WASHC2C: variants seen among roughly 807,000 people sequenced by gnomAD.
WASHC2C encodes the protein Vaccinia Penetration Factor.
WASHC2C carries 73 observed loss-of-function variants against 142.2 expected under a neutral mutation model. That is an observed-to-expected ratio of 0.51 (90% CI 0.43 to 0.62). The LOEUF (loss-of-function observed/expected upper bound fraction) is 0.62, where lower values mean the gene tolerates loss of function less well. Among genes scored for constraint, WASHC2C ranks in the 20% least tolerant of loss-of-function variants. The pLI, the probability that WASHC2C is intolerant of heterozygous loss-of-function variation, is 0.00. For missense variants in WASHC2C, 969 were observed against 1,531.7 expected, an observed-to-expected ratio of 0.63 and a Z score of 6.13; for synonymous variants, 337 against 565.5, an observed-to-expected ratio of 0.60 and a Z score of 5.73.
Position 45,759,768 on chromosome 10 carries a change from G to A in WASHC2C, c.1635+367G>A, listed in dbSNP as rs868972907. ...CGGGAGGCAGAAGTTGCAATGAACC[G>A]AGATCACACCATTGCACTCCAGTCT... On this transcript the variant is annotated intron_variant, in intron 17 of 30. Coordinates refer to ENST00000623400, the MANE Select transcript of WASHC2C (RefSeq NM_001330074.2). Among the ~76,000 whole-genome samples, 8 of 151,976 alleles carry A rather than the reference G, an allele frequency of 5.3e-5. No homozygotes were observed. In the Middle Eastern group the frequency reaches 0.01, roughly 194 times the overall value.
intron 19 of WASHC2C, among the ~76,000 whole-genome samples, chr10:45,768,309 A>T (rs545574827): frequency 8.4e-4 from 127 of 151,650 alleles, no homozygotes; most frequent in South Asian, 1.7e-3. Context: ...AGAGATTCTG[A>T]ATTAATCTGG....
chr10:45,746,581 C>A lies in WASHC2C; in HGVS notation c.685-19C>A, dbSNP rs1433575395. The A allele has an allele frequency of 6.2e-7, 1 of 1,613,042 alleles. No homozygotes were observed. The highest frequency in any genetic ancestry group is 8.5e-7 in the Non-Finnish European group (1 of 1,179,310). On this transcript the variant is annotated intron_variant, in intron 7 of 30. Coordinates refer to ENST00000623400, the MANE Select transcript of WASHC2C (RefSeq NM_001330074.2). ...AAGTAAAGCCCATTTAACAACAAAGCCTTTTCTTACCCATAAAGGAGTCAG... is the reference window on the plus strand; with the variant it reads ...AAGTAAAGCCCATTTAACAACAAAGACTTTTCTTACCCATAAAGGAGTCAG...
chr10:45,790,271 G>A, intron 29 of WASHC2C, 85 bp from the exon 30 acceptor site: 4 of 1,601,308 alleles, frequency 2.5e-6, no homozygotes, highest in Non-Finnish European at 3.4e-6. Flanking sequence ...CTGGCCAATT[G>A]CATTTCCATA....
At position 45,784,589 on chromosome 10, in the gene WASHC2C, A is replaced by G; in HGVS notation, c.2503A>G (p.Lys835Glu). Residue 835 changes from lysine to glutamate, a missense_variant, in exon 24 of 31, where the codon AAG (lysine) becomes GAG (glutamate). Lys to Glu is a moderately conservative substitution (Grantham distance 56). Coordinates refer to ENST00000623400, the MANE Select transcript of WASHC2C (RefSeq NM_001330074.2). ...GKGCDPDAHP[K>E]STGVFQDEEL... ...GGGCTGCGATCCTGATGCCCACCCC[A>G]AGAGCACAGGTGTCTTCCAGGATGA... 6.2e-7 allele frequency: 1 copy of G among 1,611,134 alleles called. No homozygotes were observed. Among genetic ancestry groups the G allele is most frequent in the South Asian group, 1.1e-5 (1 of 90,930 alleles).
intron 3 of WASHC2C, among the ~76,000 whole-genome samples, chr10:45,735,203 G>A (rs1390736113): frequency 2.6e-5 from 4 of 151,476 alleles, no homozygotes; most frequent in Non-Finnish European, 4.4e-5. Flanking sequence ...TTACTTTTCT[G>A]TGTGAATTTG....
At chr10:45,770,141 T>C (rs1309377864) in intron 20 of WASHC2C, among the ~76,000 whole-genome samples, 1 of 150,120 alleles carries the variant, frequency 6.7e-6, no homozygotes, top group Non-Finnish European at 1.5e-5. Context: ...CTTGGGAGGC[T>C]GAGGCAGAAG....
At position 45,768,712 on chromosome 10, in the gene WASHC2C, G is replaced by C. The variant is rs2610507; in HGVS notation, c.1870-737G>C. On this transcript the variant is annotated intron_variant, in intron 19 of 30. Transcript: ENST00000623400. ...TGTGTCTTGTTCACATGTGTGTTGC[G>C]TGAGTTTTTACACTTTTTTTTTCAA... 3.1e-3 allele frequency among the ~76,000 whole-genome samples: 477 copies of C among 151,986 alleles called. 5 individuals are homozygous for C. Among genetic ancestry groups the C allele is most frequent in the African/African-American group, 0.011 (455 of 41,390 alleles).
At chr10:45,735,239 A>C (rs1366003154) in intron 3 of WASHC2C, among the ~76,000 whole-genome samples, 1 of 151,046 alleles carries the variant, frequency 6.6e-6, no homozygotes, top group African/African-American at 2.4e-5. Context: ...TTATTTATTT[A>C]TTTTTTTGAA....
At chr10:45,775,743 C>T (rs868958107) in intron 21 of WASHC2C, among the ~76,000 whole-genome samples, 56 of 137,486 alleles carry the variant, frequency 4.1e-4, no homozygotes, top group Admixed American at 1.8e-3. Flanking sequence ...AGTGCAGTGG[C>T]GCATCTCGGC....
chr10:45,749,329 G>T (rs1162649513), intron 8 of WASHC2C, among the ~76,000 whole-genome samples: 4 of 151,318 alleles, frequency 2.6e-5, no homozygotes, highest in Admixed American at 6.6e-5. Flanking sequence ...TAGCTACTCA[G>T]AGGGCTGAGG....
Position 45,752,609 on chromosome 10 carries a change from C to T in WASHC2C, c.1025C>T (p.Ala342Val). The change falls in exon 12 of 31, where the codon GCA becomes GTA. Residue 342 changes from alanine (A) to valine (V), a missense_variant. Ala to Val is a moderately conservative substitution (Grantham distance 64). Coordinates refer to ENST00000623400, the MANE Select transcript of WASHC2C (RefSeq NM_001330074.2). ...PSDDEEDNLF[A>V]PPKLTDEDFS... ...CTAGATGAAGAGGATAACTTATTCGCACCCCCCAAGCTGACCGACGAGGAC... is the reference window on the plus strand; with the variant it reads ...CTAGATGAAGAGGATAACTTATTCGTACCCCCCAAGCTGACCGACGAGGAC... 3 of 1,609,788 alleles carry T rather than the reference C, an allele frequency of 1.9e-6. No homozygotes were observed. In the South Asian group the frequency reaches 3.3e-5, roughly 18 times the overall value.
intron 17 of WASHC2C, among the ~76,000 whole-genome samples, chr10:45,761,802 T>C (rs2055129941): frequency 6.6e-6 from 1 of 152,216 alleles, no homozygotes; most frequent in East Asian, 1.9e-4. Context: ...TTTACTTTCA[T>C]TTTCTTAGAA....
chr10:45,772,493 A>C (rs1436789375), intron 20 of WASHC2C, among the ~76,000 whole-genome samples: 5 of 151,990 alleles, frequency 3.3e-5, no homozygotes, highest in Non-Finnish European at 7.4e-5. Context: ...AAGTGGAAGG[A>C]TCTCTTGAGG....
At chr10:45,727,837 G>A (rs1265566486) in intron 2 of WASHC2C, among the ~76,000 whole-genome samples, 1 of 152,136 alleles carries the variant, frequency 6.6e-6, no homozygotes, top group Admixed American at 6.5e-5. Context: ...CACTAGGGAG[G>A]CGATTCCTGT....
chr10:45,729,293 C>G (rs1229034237), intron 3 of WASHC2C, among the ~76,000 whole-genome samples: 1 of 152,170 alleles, frequency 6.6e-6, no homozygotes, highest in African/African-American at 2.4e-5. Flanking sequence ...AGCAATTGTG[C>G]TGAATTGTGT....
chr10:45,742,766 T>G (rs1412449079), intron 5 of WASHC2C, among the ~76,000 whole-genome samples: 1 of 152,052 alleles, frequency 6.6e-6, no homozygotes, highest in Non-Finnish European at 1.5e-5. Flanking sequence ...CCCTGTTTGC[T>G]TGCTGCTGAT....
chr10:45,769,473 C>T lies in WASHC2C; in HGVS notation c.1894C>T (p.Gln632Ter). 1 of 1,610,968 alleles carries T rather than the reference C, an allele frequency of 6.2e-7. No individual in the cohort carries two copies. The highest frequency in any genetic ancestry group is 8.5e-7 in the Non-Finnish European group (1 of 1,179,500). The part of the protein sequence containing the change: ...EEDQWNIPAS[Q>*]THLASDSRSK... ...GGACCAGTGGAATATTCCTGCTTCA[C>T]AGACCCACTTAGCATCTGACAGCAG... Residue 632 changes from glutamine to a stop codon, truncating the protein, a stop_gained, in exon 20 of 31, where the codon CAG becomes TAG. Transcript: ENST00000623400. LOFTEE classifies it high-confidence loss of function.
chr10:45,780,537 A>G (rs2057412768), intron 23 of WASHC2C, among the ~76,000 whole-genome samples: 1 of 152,214 alleles, frequency 6.6e-6, no homozygotes, highest in African/African-American at 2.4e-5. Flanking sequence ...AATAAAAGGC[A>G]TTCAGATTGG....
intron 15 of WASHC2C, among the ~76,000 whole-genome samples, chr10:45,756,123 TCTTA>T (rs1203790900): frequency 4.9e-3 from 709 of 144,366 alleles, no homozygotes; most frequent in Non-Finnish European, 7.6e-3. Context: ...TCCACAGGGC[TCTTA>T]CTTAGTGGAT....
Sources: gnomAD v4.1 joint callset for allele counts (sites outside exome capture counted in the v4.1 genomes callset) on GRCh38, gnomAD v4.1.1 for gene constraint, MANE v1.5 for transcripts, NCBI Gene and HGNC (gene_info 2026-07-23, HGNC 2026-07-21) for gene names.